The following RGS3 variants were observed in gnomAD, a reference collection of about 807,000 sequenced individuals.
RGS3 encodes the protein regulator of G-protein signalling 3.
Under a neutral mutation model 132.6 loss-of-function variants are expected in RGS3, and 80 were observed. The ratio of observed to expected loss-of-function variants is 0.60; its 90% confidence interval spans 0.50 to 0.73. RGS3 has a LOEUF of 0.73. Among genes scored for constraint, RGS3 ranks in the 30% least tolerant of loss-of-function variants. The pLI, the probability that RGS3 is intolerant of heterozygous loss-of-function variation, is 0.00. For synonymous variants in RGS3, 598 were observed against 620.6 expected, an observed-to-expected ratio of 0.96 and a Z score of 0.54; for missense variants, 1,382 against 1,530.8, an observed-to-expected ratio of 0.90 and a Z score of 1.62.
At chr9:113,556,034 T>G (rs1342464494) in intron 19 of RGS3, among the ~76,000 whole-genome samples, 1 of 152,188 alleles carries the variant, frequency 6.6e-6, no homozygotes, top group African/African-American at 2.4e-5. Flanking sequence ...GCCCTCATGT[T>G]TGAGTCATAG....
chr9:113,498,058 C>A (rs1396586617), exon 10 of RGS3: 1 of 1,613,908 alleles, frequency 6.2e-7, no homozygotes, highest in Non-Finnish European at 8.5e-7. Flanking sequence ...GGTGGGGACA[C>A]TGAGAATGGG....
chr9:113,590,191 T>A lies in RGS3; in HGVS notation c.3016-1142T>A, dbSNP rs141722336. On this transcript the variant is annotated intron_variant, in intron 20 of 24. Coordinates refer to ENST00000350696, the Ensembl canonical transcript of RGS3. Reference sequence around the variant, plus strand: ...TACATGCTGGGTCTCCTTGGGGAAGTGACTTAAATTCTCTGAGCCTCTATT... The same window carrying A: ...TACATGCTGGGTCTCCTTGGGGAAGAGACTTAAATTCTCTGAGCCTCTATT... 1.8e-4 allele frequency among the ~76,000 whole-genome samples: 27 copies of A among 152,328 alleles called. No homozygotes were observed. The East Asian group carries it at 5.2e-3, about 29-fold the overall frequency.
chr9:113,483,149 A>T (rs1162187298), intron 5 of RGS3, 32 bp downstream of exon 3: 1 of 1,491,816 alleles, frequency 6.7e-7, no homozygotes, highest in Non-Finnish European at 9.3e-7. Flanking sequence ...GGAGAGTGGG[A>T]TATTGAGGGG....
intron 3 of RGS3, among the ~76,000 whole-genome samples, chr9:113,469,212 G>A (rs1023724630): frequency 6.6e-6 from 1 of 152,096 alleles, no homozygotes; most frequent in Non-Finnish European, 1.5e-5. Flanking sequence ...TGCGTGGTGT[G>A]TTGGGCAGTG....
chr9:113,463,584 G>GCCGCCCC lies in RGS3; in HGVS notation c.415+1385_415+1386insGCCCCCC. 1 of 805,578 alleles carries GCCGCCCC rather than the reference G, an allele frequency of 1.2e-6. No homozygotes were observed. Among genetic ancestry groups the GCCGCCCC allele is most frequent in the Non-Finnish European group, 1.7e-6 (1 of 588,906 alleles). The allele number at this position is 805,578 out of a possible 1,614,324, so 49.9% of individuals were successfully genotyped here. ...CTGCTCAGCGCGGGTCGGCGGCGCCGCCTCCCCCACCCCGGCCCAGCTCTG... is the reference window on the plus strand; with the variant it reads ...CTGCTCAGCGCGGGTCGGCGGCGCCGCCGCCCCCCTCCCCCACCCCGGCCCAGCTCTG... On this transcript the variant is annotated intron_variant, in intron 3 of 24. Transcript: ENST00000350696. This position sits in a 1 kb window ranked among gnomAD's most constrained non-coding sequence, Gnocchi z 4.6.
At chr9:113,517,360 C>T (rs780833401) in intron 15 of RGS3, 181 bp from the exon 14 acceptor site, 3 of 695,156 alleles carry the variant, frequency 4.3e-6, no homozygotes, top group South Asian at 1.5e-5. Context: ...AGCAGCGTCT[C>T]TCTTTCTGTT....
At chr9:113,495,993 G>A (rs1036376662) in intron 8 of RGS3, 147 bp downstream of exon 6, 1 of 734,540 alleles carries the variant, frequency 1.4e-6, no homozygotes, top group Non-Finnish European at 2.4e-6. Context: ...GGCCTGCATA[G>A]CAGCACTGTG....
intron 22 of RGS3, 92 bp from the exon 21 acceptor site, chr9:113,594,827 C>A (rs983845691): frequency 1.6e-6 from 2 of 1,241,304 alleles, no homozygotes; most frequent in Non-Finnish European, 1.2e-6. Context: ...AGACTGGGCC[C>A]AGGGCAGTAA....
intron 1 of RGS3, among the ~76,000 whole-genome samples, chr9:113,446,487 A>G (rs572012667): frequency 1.3e-5 from 2 of 152,238 alleles, no homozygotes; most frequent in Non-Finnish European, 2.9e-5. Context: ...CTTTCAAATA[A>G]CTGCAGGCCT....
intron 10 of RGS3, chr9:113,505,226 G>A: frequency 1.7e-6 from 1 of 572,794 alleles, no homozygotes; most frequent in African/African-American, 1.9e-5. Flanking sequence ...GGGTTTACTT[G>A]CTGAGCTTTG....
intron 16 of RGS3, 58 bp downstream of exon 14, chr9:113,517,682 T>C: frequency 7.6e-7 from 1 of 1,314,930 alleles, no homozygotes; most frequent in Non-Finnish European, 1.1e-6. Context: ...ATTGGCATTC[T>C]CCAGGCCCCT....
chr9:113,572,832 G>A (rs1455092917), intron 19 of RGS3, among the ~76,000 whole-genome samples: 1 of 152,230 alleles, frequency 6.6e-6, no homozygotes, highest in Non-Finnish European at 1.5e-5. Flanking sequence ...GGGGCAGGCT[G>A]AGCACAGACT....
At chr9:113,584,206 C>G in exon 20 of RGS3, 1 of 1,614,066 alleles carries the variant, frequency 6.2e-7, no homozygotes, top group South Asian at 1.1e-5. Flanking sequence ...CCTCTCACTG[C>G]GTGTGCAGAA....
intron 17 of RGS3, among the ~76,000 whole-genome samples, chr9:113,523,789 G>A (rs1403327161): frequency 3.3e-5 from 5 of 152,160 alleles, no homozygotes; most frequent in Admixed American, 3.3e-4. Context: ...TGGGTGACAG[G>A]GGCAGAGAGG....
exon 25 of RGS3, chr9:113,597,023 C>T: frequency 2.9e-6 from 4 of 1,382,050 alleles, no homozygotes; most frequent in Non-Finnish European, 4.0e-6. Flanking sequence ...CCTCCCTGCC[C>T]CCTGTGACGG....
intron 3 of RGS3, among the ~76,000 whole-genome samples, chr9:113,467,383 A>G (rs114110593): frequency 3.9e-5 from 6 of 152,258 alleles, no homozygotes; most frequent in African/African-American, 1.4e-4. Flanking sequence ...CACATTCCTT[A>G]CCAACACTTG....
chr9:113,553,159 A>G (rs1833408679), intron 19 of RGS3, among the ~76,000 whole-genome samples: 1 of 151,992 alleles, frequency 6.6e-6, no homozygotes, highest in Non-Finnish European at 1.5e-5. Flanking sequence ...ATAAAGATAT[A>G]GGCCAGGAAT....
chr9:113,475,482 T>A (rs989497245), intron 3 of RGS3, among the ~76,000 whole-genome samples: 1 of 152,134 alleles, frequency 6.6e-6, no homozygotes, highest in African/African-American at 2.4e-5. Context: ...CATAGCTCAC[T>A]ACAACTTCAA....
intron 16 of RGS3, among the ~76,000 whole-genome samples, chr9:113,522,008 A>G (rs1321321851): frequency 6.6e-6 from 1 of 152,258 alleles, no homozygotes; most frequent in Non-Finnish European, 1.5e-5. Flanking sequence ...GCTTTTGACT[A>G]AAGGCCACTG....
Sources: allele counts gnomAD v4.1 joint callset (sites outside exome capture counted in the v4.1 genomes callset), GRCh38; gene constraint gnomAD v4.1.1; non-coding constraint Gnocchi (gnomAD v3.1); transcripts MANE v1.5; gene names NCBI Gene and HGNC (gene_info 2026-07-23, HGNC 2026-07-21).